The following HMBOX1 variants were observed in gnomAD, a reference collection of about 807,000 sequenced individuals.
HMBOX1 encodes homeobox containing 1.
Under a neutral mutation model 54.5 loss-of-function variants are expected in HMBOX1, and 14 were observed. That is an observed-to-expected ratio of 0.26 (90% CI 0.17 to 0.40). The LOEUF is 0.40. HMBOX1 is among the 10% of genes least tolerant of loss of function. The pLI is 1.00. For synonymous variants in HMBOX1, 160 were observed against 181.0 expected (o/e 0.88, Z 0.93); for missense variants, 332 against 514.4 (o/e 0.65, Z 3.43).
At position 29,053,130 on chromosome 8, in the gene HMBOX1, A is replaced by T. The variant is rs1177052307; in HGVS notation, c.*1975A>T. Reference sequence around the variant, plus strand: ...AATCCTGCTTATGTGAGTGTGAGGAAAGTCTTTGAGAGGGCATGAAAGTGC... The same window carrying T: ...AATCCTGCTTATGTGAGTGTGAGGATAGTCTTTGAGAGGGCATGAAAGTGC... On this transcript the variant is annotated 3_prime_UTR_variant, in exon 10 of 10. Transcript: ENST00000287701. The T allele has an allele frequency of 1.3e-5, 2 of 152,448 alleles. No individual in the cohort carries two copies. Among genetic ancestry groups the T allele is most frequent in the Admixed American group, 1.3e-4 (2 of 15,276 alleles). 9.4% of individuals were successfully genotyped at this position (152,448 alleles called of 1,614,324 possible). A position where few individuals can be genotyped will look rare whatever the true frequency, so the allele number is the denominator to read the frequency against.
intron 1 of HMBOX1, among the ~76,000 whole-genome samples, chr8:28,957,928 G>A (rs1172792782): frequency 2.6e-5 from 4 of 151,996 alleles, no homozygotes; most frequent in African/African-American, 4.8e-5. Context: ...GCCCAGCCTA[G>A]GTCCTATTTT....
intron 6 of HMBOX1, among the ~76,000 whole-genome samples, chr8:29,025,597 T>G (rs1377150628): frequency 6.6e-6 from 1 of 152,210 alleles, no homozygotes; most frequent in East Asian, 1.9e-4. Flanking sequence ...TCTAGTTTAA[T>G]GCTTTGACTG....
chr8:28,914,068 A>G (rs954395961), intron 1 of HMBOX1, among the ~76,000 whole-genome samples: 3 of 152,044 alleles, frequency 2.0e-5, no homozygotes, highest in Non-Finnish European at 4.4e-5. Context: ...GGGTTTCACC[A>G]TGTTGGCCAG....
intron 6 of HMBOX1, among the ~76,000 whole-genome samples, chr8:29,033,547 T>C (rs751024674): frequency 1.3e-5 from 2 of 152,224 alleles, no homozygotes; most frequent in Non-Finnish European, 2.9e-5. Flanking sequence ...ATTTTAAAAT[T>C]GGCAAATTAT....
chr8:28,972,307 G>C (rs1294731617), intron 3 of HMBOX1, among the ~76,000 whole-genome samples: 7 of 152,104 alleles, frequency 4.6e-5, no homozygotes, highest in Non-Finnish European at 1.0e-4. Context: ...CCGCCTCCTG[G>C]GCTGAAGTGA....
chr8:28,938,791 T>C (rs199588713), intron 1 of HMBOX1, among the ~76,000 whole-genome samples: 4 of 151,560 alleles, frequency 2.6e-5, no homozygotes, highest in South Asian at 2.1e-4. Flanking sequence ...TCTGGAGTAG[T>C]CTTTTTCTAT....
intron 6 of HMBOX1, among the ~76,000 whole-genome samples, chr8:29,028,497 T>C (rs1802415942): frequency 6.6e-6 from 1 of 152,214 alleles, no homozygotes; most frequent in Admixed American, 6.5e-5. Flanking sequence ...CAGGACAGTT[T>C]ATTAGTACAT....
In HMBOX1 at chr8:28,982,117, C is replaced by T. The variant is rs538212575; in HGVS notation, c.586+1961C>T. Among the ~76,000 whole-genome samples, 3 of 152,276 alleles carry T rather than the reference C, an allele frequency of 2.0e-5. No homozygotes were observed. The South Asian group carries it at 6.2e-4, about 32-fold the overall frequency. On this transcript the variant is annotated intron_variant, in intron 4 of 9. Transcript: ENST00000287701. ...GCGTGGTGGCGGGCGCCTGTAGTCC[C>T]AGCTACTCGGGAGGCTGAGGTGGGA...
chr8:29,025,999 G>A (rs996840042), intron 6 of HMBOX1, among the ~76,000 whole-genome samples: 1 of 150,506 alleles, frequency 6.6e-6, no homozygotes, highest in Non-Finnish European at 1.5e-5. Context: ...GGAAAATCAA[G>A]CAATCAGAGG....
chr8:28,961,579 C>A (rs1385075016), intron 1 of HMBOX1, among the ~76,000 whole-genome samples: 3 of 152,174 alleles, frequency 2.0e-5, no homozygotes, highest in African/African-American at 7.2e-5. Flanking sequence ...GTATATATAT[C>A]ACATTTCATT....
intron 6 of HMBOX1, among the ~76,000 whole-genome samples, chr8:29,039,228 C>T (rs1804446505): frequency 6.6e-6 from 1 of 152,154 alleles, no homozygotes; most frequent in Non-Finnish European, 1.5e-5. Flanking sequence ...ACCATTTAGC[C>T]AATTGCCCGG....
chr8:28,960,811 G>A (rs1235893448), intron 1 of HMBOX1, among the ~76,000 whole-genome samples: 2 of 99,216 alleles, frequency 2.0e-5, no homozygotes, highest in African/African-American at 8.1e-5. Context: ...TTTTGGAGAC[G>A]GAGTCTTGCT....
intron 1 of HMBOX1, among the ~76,000 whole-genome samples, chr8:28,960,345 T>C (rs1160636534): frequency 6.6e-6 from 1 of 151,986 alleles, no homozygotes; most frequent in Non-Finnish European, 1.5e-5. Context: ...TTATTTATGA[T>C]TATCTTGTAG....
At chr8:29,038,464 A>G (rs139931345) in intron 6 of HMBOX1, among the ~76,000 whole-genome samples, 36 of 152,324 alleles carry the variant, frequency 2.4e-4, no homozygotes, top group African/African-American at 8.2e-4. Context: ...TATATGGACT[A>G]GAAGTATGTT....
chr8:28,904,842 A>G (rs575248826), intron 1 of HMBOX1, among the ~76,000 whole-genome samples: 2 of 151,812 alleles, frequency 1.3e-5, no homozygotes, highest in South Asian at 4.2e-4. Flanking sequence ...CGCCCAACTA[A>G]TTTTTTGTAT....
intron 6 of HMBOX1, among the ~76,000 whole-genome samples, chr8:29,034,571 T>C (rs1803537539): frequency 6.6e-6 from 1 of 152,192 alleles, no homozygotes; most frequent in Non-Finnish European, 1.5e-5. Flanking sequence ...CAAGAGGCAA[T>C]TGAGGGCCAG....
At chr8:28,969,496 T>G (rs1827026130) in intron 2 of HMBOX1, among the ~76,000 whole-genome samples, 1 of 151,736 alleles carries the variant, frequency 6.6e-6, no homozygotes, top group South Asian at 2.1e-4. Flanking sequence ...GTTTTCCACT[T>G]AAGTATTTTT....
rs3830316 is a variant in HMBOX1 at position 29,051,357 on chromosome 8, TAACCAACC to T, written c.*213_*220del. ...CTCAGTATTAACTCCCAGTAAATAA[TAACCAACC>T]AACCAACCAAACTTCCCTCTCCCAG... On this transcript the variant is annotated 3_prime_UTR_variant, in exon 10 of 10. Transcript: ENST00000287701. The T allele has an allele frequency of 1.8e-5, 11 of 626,152 alleles. No homozygotes were observed. The African/African-American group carries it at 1.9e-4, about 11-fold the overall frequency. The allele number at this position is 626,152 out of a possible 1,614,324, so 38.8% of individuals were successfully genotyped here.
At chr8:28,964,573 G>A (rs1019989087) in intron 2 of HMBOX1, among the ~76,000 whole-genome samples, 1 of 152,314 alleles carries the variant, frequency 6.6e-6, no homozygotes, top group East Asian at 1.9e-4. Flanking sequence ...AGAGTCGAAT[G>A]CAGAGTGCCT....
Sources: gnomAD v4.1 joint callset for allele counts (sites outside exome capture counted in the v4.1 genomes callset) on GRCh38, gnomAD v4.1.1 for gene constraint, MANE v1.5 for transcripts, NCBI Gene and HGNC (gene_info 2026-07-23, HGNC 2026-07-21) for gene names.